The following CROCC2 variants were observed in gnomAD, a reference collection of about 807,000 sequenced individuals.
The protein encoded by CROCC2 is ciliary rootlet coiled-coil protein 2.
CROCC2 carries 163 observed loss-of-function variants against 177.6 expected under a neutral mutation model. That is an observed-to-expected ratio of 0.92 (90% CI 0.81 to 1.05). The LOEUF is 1.05. Ranked by LOEUF, CROCC2 falls within the 50% of genes least tolerant of loss-of-function variation. CROCC2 has a pLI of 0.00. For missense variants in CROCC2, 1,929 were observed against 1,797.8 expected (o/e 1.07, Z -1.32); for synonymous variants, 904 against 787.3 (o/e 1.15, Z -2.48).
chr2:240,935,961 A>T (rs778961888), intron 14 of CROCC2, among the ~76,000 whole-genome samples: 1 of 152,022 alleles, frequency 6.6e-6, no homozygotes, highest in Non-Finnish European at 1.5e-5. Flanking sequence ...CTGGTGCCTC[A>T]CTCATTTATT....
chr2:240,907,943 C>G (rs77282501), intron 1 of CROCC2, among the ~76,000 whole-genome samples: 8 of 23,866 alleles, frequency 3.4e-4, no homozygotes, highest in Non-Finnish European at 4.9e-4. Context: ...TCCTCCACCT[C>G]GGGTGACCTC....
intron 20 of CROCC2, 94 bp downstream of exon 20, chr2:240,959,538 G>T: frequency 7.0e-7 from 1 of 1,428,060 alleles, no homozygotes; most frequent in South Asian, 1.4e-5. Flanking sequence ...GTGCCAGGAG[G>T]AAAGAGAGGC....
intron 24 of CROCC2, 97 bp downstream of exon 24, chr2:240,966,090 C>T (rs1559608836): frequency 7.8e-7 from 1 of 1,274,452 alleles, no homozygotes; most frequent in Non-Finnish European, 9.9e-7. Context: ...CAGTGAGGGA[C>T]TCGGACAGGC....
chr2:240,985,614 ACACTCACTCCACACACACCCAGG>A (rs2059833904), intron 28 of CROCC2, among the ~76,000 whole-genome samples: 3 of 51,054 alleles, frequency 5.9e-5, no homozygotes, highest in Middle Eastern at 0.01. Flanking sequence ...ACACACCCAG[ACACTCACTCCACACACACCCAGG>A]CACTCACTCC....
intron 14 of CROCC2, among the ~76,000 whole-genome samples, chr2:240,938,537 T>C (rs1276644447): frequency 6.6e-6 from 1 of 152,268 alleles, no homozygotes; most frequent in Non-Finnish European, 1.5e-5. Context: ...TTTTGGCTGT[T>C]CTAAATCCTT....
rs2059727798 is a variant in CROCC2 at position 240,972,428 on chromosome 2, TGGAG to T, written c.4401+4169_4401+4172del. ...TCCCCAGCTGCTTGCCTCACAGGGA[TGGAG>T]GGCTCCCCGGGTCCCCCAGCCACAG... On this transcript the variant is annotated intron_variant, in intron 27 of 31. Transcript: ENST00000690015. This position sits in a 1 kb window ranked among gnomAD's most constrained non-coding sequence, Gnocchi z 7.1. Among the ~76,000 whole-genome samples the T allele has an allele frequency of 6.6e-6, 1 of 152,062 alleles. No individual in the cohort carries two copies. The highest frequency in any genetic ancestry group is 1.5e-5 in the Non-Finnish European group (1 of 68,018).
chr2:240,958,135 G>C lies in CROCC2; in HGVS notation c.2944-1166G>C. 3.0e-6 allele frequency: 3 copies of C among 985,424 alleles called. No homozygotes were observed. The South Asian group carries it at 1.4e-4, about 46-fold the overall frequency. 61.0% of individuals were successfully genotyped at this position (985,424 alleles called of 1,614,324 possible). A position where few individuals can be genotyped will look rare whatever the true frequency, so the allele number is the denominator to read the frequency against. On this transcript the variant is annotated intron_variant, in intron 19 of 31. Transcript: ENST00000690015. This position sits in a 1 kb window ranked among gnomAD's most constrained non-coding sequence, Gnocchi z 6.7. ...AAATTAAAACTGTTGAGAGGAGCGG[G>C]AGGAGAGGAATGCCGGCCAAGGAGC... is the stretch of plus-strand genomic sequence containing the variant.
chr2:240,930,008 G>A (rs889645106), intron 5 of CROCC2, among the ~76,000 whole-genome samples, 158 bp from the exon 6 acceptor site: 2 of 152,230 alleles, frequency 1.3e-5, no homozygotes, highest in African/African-American at 2.4e-5. Context: ...TGGGGTTGGG[G>A]GAGCCCAGGG....
intron 1 of CROCC2, among the ~76,000 whole-genome samples, chr2:240,912,122 G>A (rs957801824): frequency 3.3e-5 from 5 of 152,068 alleles, no homozygotes; most frequent in East Asian, 3.9e-4. Context: ...CCTCTCTGAC[G>A]TACGCACTTC....
intron 1 of CROCC2, among the ~76,000 whole-genome samples, chr2:240,914,718 G>T (rs1471791725): frequency 6.6e-6 from 1 of 152,184 alleles, no homozygotes; most frequent in South Asian, 2.1e-4. Flanking sequence ...GTGGGCGGGG[G>T]TCCCGATGGA....
chr2:240,946,361 G>A, intron 15 of CROCC2, 108 bp downstream of exon 15: 2 of 1,127,236 alleles, frequency 1.8e-6, no homozygotes, highest in Non-Finnish European at 2.4e-6. Context: ...AGGACTGGGA[G>A]GGAGCGTGTG....
chr2:240,907,408 C>A (rs529769259), intron 1 of CROCC2, among the ~76,000 whole-genome samples: 1 of 152,130 alleles, frequency 6.6e-6, no homozygotes, highest in South Asian at 2.1e-4. Context: ...CACAGCCAGG[C>A]GGCCCCACCT....
intron 14 of CROCC2, among the ~76,000 whole-genome samples, chr2:240,943,755 C>T (rs1469569172): frequency 6.6e-6 from 1 of 152,198 alleles, no homozygotes; most frequent in Non-Finnish European, 1.5e-5. Context: ...GCTGGGATTA[C>T]AGGCATTAGC....
intron 27 of CROCC2, among the ~76,000 whole-genome samples, chr2:240,971,894 T>C (rs1233720127): frequency 6.6e-6 from 1 of 152,170 alleles, no homozygotes; most frequent in Non-Finnish European, 1.5e-5. Flanking sequence ...TCTCAGGATC[T>C]GCCGCATCTC....
intron 25 of CROCC2, 74 bp from the exon 26 acceptor site, chr2:240,967,271 G>A (rs914749205): frequency 7.1e-6 from 4 of 563,134 alleles, no homozygotes; most frequent in African/African-American, 3.8e-5. Context: ...AGCTGGCCCC[G>A]ACCCTCTAGC....
chr2:240,914,622 G>A (rs1245305335), intron 1 of CROCC2, among the ~76,000 whole-genome samples: 1 of 152,218 alleles, frequency 6.6e-6, no homozygotes. Context: ...CCCTCACTCA[G>A]GAGGTTCGCC....
chr2:240,964,643 G>A lies in CROCC2; in HGVS notation c.3465+18G>A, dbSNP rs1238804496. 5 of 1,545,208 alleles carry A rather than the reference G, an allele frequency of 3.2e-6. No individual in the cohort carries two copies. The African/African-American group carries it at 6.8e-5, about 21-fold the overall frequency. ...ACAGACAGGTAGGGCGGCAGGGAGG[G>A]GTCAACATCCAACCAGGCACCCTCC... On this transcript the variant is annotated intron_variant, in intron 22 of 31. Coordinates refer to ENST00000690015, the MANE Select transcript of CROCC2 (RefSeq NM_001351305.2).
chr2:240,985,644 C>T (rs865999804), intron 28 of CROCC2, among the ~76,000 whole-genome samples: 17 of 122,230 alleles, frequency 1.4e-4, no homozygotes, highest in Middle Eastern at 5.1e-3. Flanking sequence ...CAGGCACTCA[C>T]TCCACACACA....
In CROCC2 at chr2:240,972,667, T is replaced by G. The variant is rs541584555; in HGVS notation, c.4401+4405T>G. On this transcript the variant is annotated intron_variant, in intron 27 of 31. Coordinates refer to ENST00000690015, the MANE Select transcript of CROCC2 (RefSeq NM_001351305.2). This position sits in a 1 kb window ranked among gnomAD's most constrained non-coding sequence, Gnocchi z 7.1. ...TTGGTCTAGAATTTGCTCAACTTTTTTAGTGAAATGTGCTAAAATCTATCA... is the reference window on the plus strand; with the variant it reads ...TTGGTCTAGAATTTGCTCAACTTTTGTAGTGAAATGTGCTAAAATCTATCA... Among the ~76,000 whole-genome samples the G allele has an allele frequency of 4.6e-5, 7 of 151,912 alleles. No individual in the cohort carries two copies. The South Asian group carries it at 1.5e-3, about 32-fold the overall frequency.
Sources: gnomAD v4.1 joint callset for allele counts (sites outside exome capture counted in the v4.1 genomes callset) on GRCh38, gnomAD v4.1.1 for gene constraint, Gnocchi (gnomAD v3.1) non-coding constraint, MANE v1.5 for transcripts, NCBI Gene and HGNC (gene_info 2026-07-23, HGNC 2026-07-21) for gene names.